Variants in JPH1 observed in about 807,000 individuals in gnomAD.
JPH1 encodes the protein junctophilin-1.
JPH1 carries 12 observed loss-of-function variants against 53.6 expected under a neutral mutation model. The observed-to-expected ratio is 0.22, with a 90% confidence interval of 0.14 to 0.36. The LOEUF is 0.36. Ranked by LOEUF, JPH1 falls within the 10% of genes least tolerant of loss-of-function variation. The pLI is 1.00. For missense variants in JPH1, 808 were observed against 905.5 expected (o/e 0.89, Z 1.38); for synonymous variants, 375 against 363.8 (o/e 1.03, Z -0.35).
chr8:74,282,808 C>A (rs752030037), intron 2 of JPH1, among the ~76,000 whole-genome samples: 1 of 152,050 alleles, frequency 6.6e-6, no homozygotes, highest in African/African-American at 2.4e-5. Context: ...AAGAGGGGAC[C>A]GGGAACGTTT....
rs1164208476 is a variant in JPH1, at chr8:74,321,466, GC to G, written c.-180del. The G allele has an allele frequency of 3.7e-6, 2 of 533,954 alleles. No individual in the cohort carries two copies. The highest frequency in any genetic ancestry group is 4.1e-5 in the African/African-American group (2 of 49,296). The allele number at this position is 533,954 out of a possible 1,614,324, so 33.1% of individuals were successfully genotyped here. On this transcript the variant is annotated 5_prime_UTR_variant, in exon 1 of 6. Transcript: ENST00000342232. This position sits in a 1 kb window ranked among gnomAD's most constrained non-coding sequence, Gnocchi z 4.3. ...CCCCCGTCCTCCCTCCTCTTTTGCC[GC>G]CGCCACCGCCGCCTTCCTCCTCCTC...
intron 2 of JPH1, among the ~76,000 whole-genome samples, chr8:74,298,970 G>T (rs1563416662): frequency 6.6e-6 from 1 of 152,206 alleles, no homozygotes; most frequent in Non-Finnish European, 1.5e-5. Context: ...AACAGGCTAT[G>T]AAGCTAAAAT....
At position 74,292,302 on chromosome 8, in the gene JPH1, C is replaced by T. The variant is rs926124054; in HGVS notation, c.1139+22559G>A. ...ACTACTAACTAATATGCCACTTGAGCGCTGGCATTATTCCATGCTCACTTG... is the reference window on the plus strand; with the variant it reads ...ACTACTAACTAATATGCCACTTGAGTGCTGGCATTATTCCATGCTCACTTG... On this transcript the variant is annotated intron_variant, in intron 2 of 5. Transcript: ENST00000342232. Among the ~76,000 whole-genome samples, 9 of 152,166 alleles carry T rather than the reference C, an allele frequency of 5.9e-5. No individual in the cohort carries two copies. In the South Asian group the frequency reaches 6.2e-4, roughly 11 times the overall value.
chr8:74,312,238 C>A (rs539608630), intron 2 of JPH1, among the ~76,000 whole-genome samples: 3 of 151,554 alleles, frequency 2.0e-5, no homozygotes, highest in Middle Eastern at 3.4e-3. Context: ...ATGAGACCTA[C>A]CTTCTTAACA....
At chr8:74,271,896 A>C (rs1037389353) in intron 2 of JPH1, among the ~76,000 whole-genome samples, 5 of 152,182 alleles carry the variant, frequency 3.3e-5, no homozygotes, top group African/African-American at 1.2e-4. Flanking sequence ...CCTGGCAGAC[A>C]GGGCTTCTTC....
intron 2 of JPH1, among the ~76,000 whole-genome samples, chr8:74,274,731 T>G (rs547263669): frequency 1.3e-5 from 2 of 152,200 alleles, no homozygotes; most frequent in Non-Finnish European, 2.9e-5. Flanking sequence ...CTTTCACAGT[T>G]CAAAGTTGAC....
intron 3 of JPH1, among the ~76,000 whole-genome samples, chr8:74,254,719 C>T (rs1160818480): frequency 6.6e-6 from 1 of 152,032 alleles, no homozygotes; most frequent in Admixed American, 6.5e-5. Context: ...AATCAATGTA[C>T]AAAAATCACA....
chr8:74,261,360 A>G (rs1806391253), intron 2 of JPH1, among the ~76,000 whole-genome samples: 1 of 152,182 alleles, frequency 6.6e-6, no homozygotes, highest in South Asian at 2.1e-4. Flanking sequence ...GGTGTATGGG[A>G]ACTTTGCAGT....
At position 74,237,219 on chromosome 8, in the gene JPH1, C is replaced by T. The variant is rs1394141988; in HGVS notation, c.*4G>A. ...AAGGCGATTCTTACCTTTCCTAATT[C>T]CAATCAAGTTAGAAAGTGAACAAAA... On this transcript the variant is annotated 3_prime_UTR_variant, in exon 5 of 6. Coordinates refer to ENST00000342232, the MANE Select transcript of JPH1 (RefSeq NM_020647.4). 4 of 1,596,098 alleles carry T rather than the reference C, an allele frequency of 2.5e-6. No individual in the cohort carries two copies. The highest frequency in any genetic ancestry group is 3.4e-6 in the Non-Finnish European group (4 of 1,165,436).
chr8:74,248,209 G>C (rs1457852649), intron 3 of JPH1, among the ~76,000 whole-genome samples: 3 of 152,144 alleles, frequency 2.0e-5, no homozygotes, highest in Non-Finnish European at 4.4e-5. Flanking sequence ...CACTCAAATT[G>C]ATCTACAGGG....
intron 2 of JPH1, among the ~76,000 whole-genome samples, chr8:74,313,926 T>C (rs1375170866): frequency 6.6e-6 from 1 of 152,226 alleles, no homozygotes; most frequent in African/African-American, 2.4e-5. Context: ...CCTTCCCTAA[T>C]AGAACTTTAT....
At position 74,243,055 on chromosome 8, in the gene JPH1, C is replaced by A. The variant is rs779046421; in HGVS notation, c.1905+1474G>T. Among the ~76,000 whole-genome samples the A allele has an allele frequency of 1.4e-3, 212 of 152,260 alleles. 2 individuals carry two copies. Among genetic ancestry groups the A allele is most frequent in the Middle Eastern group, 6.8e-3 (2 of 294 alleles). On this transcript the variant is annotated intron_variant, in intron 4 of 5. Coordinates refer to ENST00000342232, the MANE Select transcript of JPH1 (RefSeq NM_020647.4). Reference sequence around the variant, plus strand: ...AGAAGTCTAGAAGTCAACTAAAGCCCACAAATGGGTACCCAAAGGTATAAA... The same window carrying A: ...AGAAGTCTAGAAGTCAACTAAAGCCAACAAATGGGTACCCAAAGGTATAAA...
At chr8:74,256,884 C>A (rs980406182) in intron 3 of JPH1, among the ~76,000 whole-genome samples, 5 of 152,204 alleles carry the variant, frequency 3.3e-5, no homozygotes, top group African/African-American at 7.2e-5. Flanking sequence ...TAAGCTATGA[C>A]AGGCATCTTT....
At chr8:74,283,423 G>C (rs546641397) in intron 2 of JPH1, among the ~76,000 whole-genome samples, 11 of 152,214 alleles carry the variant, frequency 7.2e-5, no homozygotes, top group African/African-American at 2.6e-4. Flanking sequence ...ATGGGAAAAA[G>C]GGAGCACAAG....
chr8:74,261,905 C>G (rs755137351), intron 2 of JPH1, among the ~76,000 whole-genome samples: 1 of 152,210 alleles, frequency 6.6e-6, no homozygotes, highest in Non-Finnish European at 1.5e-5. Context: ...TCAAATAAAA[C>G]AGCAGTAGTA....
intron 1 of JPH1, among the ~76,000 whole-genome samples, chr8:74,316,646 A>G (rs1307960460): frequency 1.3e-5 from 2 of 152,268 alleles, no homozygotes; most frequent in African/African-American, 4.8e-5. Context: ...GGAAAGGTAT[A>G]TTTGACACTA....
intron 2 of JPH1, among the ~76,000 whole-genome samples, chr8:74,299,037 G>A (rs78136244): frequency 6.6e-6 from 1 of 152,116 alleles, no homozygotes. Flanking sequence ...ATGAACACTG[G>A]TGACCTTTAC....
At chr8:74,318,863 A>AGACT (rs1466704290) in intron 1 of JPH1, among the ~76,000 whole-genome samples, 1 of 152,218 alleles carries the variant, frequency 6.6e-6, no homozygotes, top group Non-Finnish European at 1.5e-5. Context: ...AACTTGCTTT[A>AGACT]GACTCCCTTT....
intron 2 of JPH1, among the ~76,000 whole-genome samples, chr8:74,267,126 G>A (rs947953643): frequency 5.3e-5 from 8 of 152,166 alleles, no homozygotes; most frequent in African/African-American, 1.9e-4. Context: ...TAGACAAGTA[G>A]GATTTTACAT....
Sources: allele counts gnomAD v4.1 joint callset (sites outside exome capture counted in the v4.1 genomes callset), GRCh38; gene constraint gnomAD v4.1.1; non-coding constraint Gnocchi (gnomAD v3.1); transcripts MANE v1.5; gene names NCBI Gene and HGNC (gene_info 2026-07-23, HGNC 2026-07-21).